Variants in IVD observed in about 807,000 individuals in gnomAD.
IVD encodes the protein isovaleryl-CoA dehydrogenase, also known as isovaleryl-CoA dehydrogenase, mitochondrial.
A neutral mutation model predicts 51.3 loss-of-function variants in IVD; 31 were observed. The ratio of observed to expected loss-of-function variants is 0.60; its 90% confidence interval spans 0.45 to 0.81. The LOEUF is 0.81. Among genes scored for constraint, IVD ranks in the 40% least tolerant of loss-of-function variants. The probability of loss-of-function intolerance (pLI) is 0.00; values close to 1 mark genes in which losing one functional copy is unlikely to be tolerated. For synonymous variants in IVD, 205 were observed against 219.4 expected, an observed-to-expected ratio of 0.93 and a Z score of 0.58; for missense variants, 475 against 552.0, an observed-to-expected ratio of 0.86 and a Z score of 1.40.
chr15:40,421,446 T>TA (rs1892292223), downstream of IVD: 2 of 971,308 alleles, frequency 2.1e-6, no homozygotes, highest in East Asian at 2.3e-4. Context: ...GGCTGGCTCT[T>TA]ACTCCACTCC....
chr15:40,405,798 T>G lies in IVD; in HGVS notation c.-30T>G. 6.2e-7 allele frequency: 1 copy of G among 1,606,522 alleles called. No individual in the cohort carries two copies. The highest frequency in any genetic ancestry group is 1.1e-5 in the South Asian group (1 of 90,806). Reference sequence around the variant, plus strand: ...TGGTGGAGCTAAGAGCTGGCTCAGTTTCAGCGCTGGCTCTTCGTGCATGGC... The same window carrying G: ...TGGTGGAGCTAAGAGCTGGCTCAGTGTCAGCGCTGGCTCTTCGTGCATGGC... On this transcript the variant is annotated 5_prime_UTR_variant, in exon 1 of 12. Transcript: ENST00000487418.
intron 4 of IVD, 117 bp downstream of exon 4, chr15:40,410,914 A>G: frequency 1.6e-6 from 2 of 1,286,316 alleles, no homozygotes; most frequent in Non-Finnish European, 2.2e-6. Context: ...GCCATGAACC[A>G]AATGTGGTTA....
chr15:40,427,367 C>T (rs1892730302), downstream of IVD, among the ~76,000 whole-genome samples: 1 of 152,240 alleles, frequency 6.6e-6, no homozygotes, highest in Non-Finnish European at 1.5e-5. Flanking sequence ...AGACACGCTG[C>T]AGGAGCAGAG....
rs776608445 is a variant in IVD, at chr15:40,416,126, C to T, written c.1009C>T (p.Arg337Trp). The T allele has an allele frequency of 6.2e-7, 1 of 1,614,204 alleles. No individual in the cohort carries two copies. Among genetic ancestry groups the T allele is most frequent in the South Asian group, 1.1e-5 (1 of 91,066 alleles). Reference protein sequence around the residue: ...ADMYTRLMACRQYVYNVAKAC... With the variant: ...ADMYTRLMACWQYVYNVAKAC... The stretch of plus-strand genomic sequence containing the variant: ...CATGTACACCCGCCTCATGGCGTGT[C>T]GGCAGTATGTCTACAATGTCGCCAA... The change falls in exon 10 of 12, where the codon CGG becomes TGG. Residue 337 changes from arginine (R) to tryptophan (W), a missense_variant. Physicochemically the swap from Arg to Trp is moderately radical, Grantham distance 101. Transcript: ENST00000487418.
chr15:40,435,511 A>T (rs1566954343), exon 9 of IVD: 1 of 1,251,168 alleles, frequency 8.0e-7, no homozygotes, highest in Non-Finnish European at 1.0e-6. Context: ...GGGAACTGAG[A>T]TGCAAGATCC....
chr15:40,432,198 C>T (rs1168040749), intron 7 of IVD, among the ~76,000 whole-genome samples: 1 of 152,120 alleles, frequency 6.6e-6, no homozygotes, highest in Non-Finnish European at 1.5e-5. Context: ...CCCACCTCGG[C>T]CCCCCAAAGT....
chr15:40,408,863 T>C (rs1195011478), intron 3 of IVD, among the ~76,000 whole-genome samples: 1 of 152,036 alleles, frequency 6.6e-6, no homozygotes, highest in Non-Finnish European at 1.5e-5. Flanking sequence ...GGCAGGAGAA[T>C]TGCTTGAACC....
intron 7 of IVD, among the ~76,000 whole-genome samples, chr15:40,430,624 G>C (rs1892920318): frequency 6.6e-6 from 1 of 152,240 alleles, no homozygotes; most frequent in African/African-American, 2.4e-5. Context: ...GGAGACTCCA[G>C]TAAATGACAG....
Position 40,421,299 on chromosome 15 carries a change from A to T in IVD, c.*3036A>T, listed in dbSNP as rs913379191. On this transcript the variant is annotated 3_prime_UTR_variant, in exon 12 of 12. Transcript: ENST00000487418. ...TGTTTTAAAATTAAAAGCAAAAAAA[A>T]CAAAATGAACCATGCAGCCTGAGTG... 5 of 965,068 alleles carry T rather than the reference A, an allele frequency of 5.2e-6. No homozygotes were observed. The highest frequency in any genetic ancestry group is 6.2e-6 in the Non-Finnish European group (5 of 812,576). The allele number at this position is 965,068 out of a possible 1,614,324, so 59.8% of individuals were successfully genotyped here. A position where few individuals can be genotyped will look rare whatever the true frequency, so the allele number is the denominator to read the frequency against.
In IVD at chr15:40,419,279, G is replaced by C; in HGVS notation, c.*1016G>C. On this transcript the variant is annotated 3_prime_UTR_variant, in exon 12 of 12. Coordinates refer to ENST00000487418, the MANE Select transcript of IVD (RefSeq NM_002225.5). ...TAATCCCAGCACTTTGGGAGGCCAAGGCAGGTGGATCACTTGCAGTCAGGA... is the reference window on the plus strand; with the variant it reads ...TAATCCCAGCACTTTGGGAGGCCAACGCAGGTGGATCACTTGCAGTCAGGA... 8.0e-7 allele frequency: 1 copy of C among 1,251,318 alleles called. No homozygotes were observed. Among genetic ancestry groups the C allele is most frequent in the Non-Finnish European group, 1.0e-6 (1 of 954,600 alleles). The allele number at this position is 1,251,318 out of a possible 1,614,324, so 77.5% of individuals were successfully genotyped here.
At chr15:40,431,800 C>G (rs1299417947) in intron 7 of IVD, among the ~76,000 whole-genome samples, 1 of 152,034 alleles carries the variant, frequency 6.6e-6, no homozygotes, top group Non-Finnish European at 1.5e-5. Flanking sequence ...CAGAGGGAAG[C>G]AATGAAAAAG....
chr15:40,430,536 G>A (rs1204494425), intron 7 of IVD, among the ~76,000 whole-genome samples: 1 of 152,212 alleles, frequency 6.6e-6, no homozygotes. Context: ...ATTTTGGAAA[G>A]ATCCCTCTGA....
At chr15:40,433,811 C>G (rs1446072111) in intron 7 of IVD, 2 of 456,258 alleles carry the variant, frequency 4.4e-6, no homozygotes, top group Non-Finnish European at 8.8e-6. Context: ...CTAGAAGAGC[C>G]CACAAACTCT....
chr15:40,428,627 C>G (rs993204831), downstream of IVD, among the ~76,000 whole-genome samples: 9 of 152,182 alleles, frequency 5.9e-5, no homozygotes, highest in Non-Finnish European at 1.2e-4. Context: ...GCCCTCCAGG[C>G]TGTCAGAGAC....
chr15:40,425,475 T>C (rs1313199142), downstream of IVD, among the ~76,000 whole-genome samples: 2 of 150,032 alleles, frequency 1.3e-5, no homozygotes, highest in African/African-American at 2.5e-5. Flanking sequence ...TATTCTTCCA[T>C]ATCTTGCTTT....
chr15:40,430,600 G>T (rs1163098289), intron 7 of IVD, among the ~76,000 whole-genome samples: 1 of 152,212 alleles, frequency 6.6e-6, no homozygotes, highest in Non-Finnish European at 1.5e-5. Flanking sequence ...AGAGGTGGGA[G>T]GAGATTCGAG....
chr15:40,421,820 C>T (rs12593066), downstream of IVD, among the ~76,000 whole-genome samples: 38,126 of 152,162 alleles, frequency 0.25, 5,954 homozygotes, highest in East Asian at 0.64. Context: ...GGCAAGGTTT[C>T]GCGCAGGGCC....
At chr15:40,429,851 G>A (rs373719347) in intron 7 of IVD, among the ~76,000 whole-genome samples, 7 of 152,320 alleles carry the variant, frequency 4.6e-5, no homozygotes, top group South Asian at 2.1e-4. Context: ...CTGGACTGCC[G>A]AAGCCAGAAC....
chr15:40,426,283 A>G (rs1269079903), downstream of IVD, among the ~76,000 whole-genome samples: 1 of 152,056 alleles, frequency 6.6e-6, no homozygotes, highest in Non-Finnish European at 1.5e-5. Flanking sequence ...TATACCTGTA[A>G]TCCCAGCACT....
Sources: allele counts gnomAD v4.1 joint callset (sites outside exome capture counted in the v4.1 genomes callset), GRCh38; gene constraint gnomAD v4.1.1; transcripts MANE v1.5; gene names NCBI Gene and HGNC (gene_info 2026-07-23, HGNC 2026-07-21).